The following APBA2 variants were observed in gnomAD, a reference collection of about 807,000 sequenced individuals.
APBA2 encodes the protein amyloid beta precursor protein binding family A member 2.
A neutral mutation model predicts 75.0 loss-of-function variants in APBA2; 30 were observed. The ratio of observed to expected loss-of-function variants is 0.40; its 90% CI spans 0.30 to 0.54. The LOEUF (loss-of-function observed/expected upper bound fraction) is 0.54, where lower values mean the gene tolerates loss of function less well. APBA2 is among the 20% of genes least tolerant of loss of function. The pLI, the probability that APBA2 is intolerant of heterozygous loss-of-function variation, is 0.49. For synonymous variants in APBA2, 444 were observed against 409.6 expected, an observed-to-expected ratio of 1.08 and a Z score of -1.01; for missense variants, 801 against 1,016.1, an observed-to-expected ratio of 0.79 and a Z score of 2.88.
chr15:29,082,331 G>A (rs1344126975), intron 6 of APBA2, among the ~76,000 whole-genome samples: 1 of 152,166 alleles, frequency 6.6e-6, no homozygotes, highest in Non-Finnish European at 1.5e-5. Flanking sequence ...ACAGCCAAGC[G>A]CATTAACATA....
intron 3 of APBA2, among the ~76,000 whole-genome samples, chr15:28,998,706 A>G (rs2038677965): frequency 6.6e-6 from 1 of 152,220 alleles, no homozygotes; most frequent in South Asian, 2.1e-4. Context: ...GCAAGTGCTC[A>G]TATGTATAGG....
At chr15:28,912,085 T>TA (rs1261446136) in intron 1 of APBA2, among the ~76,000 whole-genome samples, 1 of 152,262 alleles carries the variant, frequency 6.6e-6, no homozygotes, top group Non-Finnish European at 1.5e-5. Context: ...CAGTTCCCTC[T>TA]AATAGCATAC....
intron 2 of APBA2, among the ~76,000 whole-genome samples, chr15:28,935,138 C>T (rs2034785412): frequency 6.6e-6 from 1 of 152,198 alleles, no homozygotes; most frequent in South Asian, 2.1e-4. Context: ...ATTTCTCCAA[C>T]ACTAGGTTTC....
chr15:28,924,836 C>T (rs530381976), intron 2 of APBA2, among the ~76,000 whole-genome samples: 1 of 152,246 alleles, frequency 6.6e-6, no homozygotes, highest in East Asian at 1.9e-4. Flanking sequence ...AACTGCCAAA[C>T]TGTTTTCCAC....
At chr15:29,062,481 C>T (rs1238023902) in intron 4 of APBA2, among the ~76,000 whole-genome samples, 1 of 152,116 alleles carries the variant, frequency 6.6e-6, no homozygotes, top group African/African-American at 2.4e-5. Flanking sequence ...TGTTCAGAAG[C>T]TCAGGGCCCA....
chr15:29,023,888 T>A (rs761146872), intron 3 of APBA2, among the ~76,000 whole-genome samples: 1 of 149,978 alleles, frequency 6.7e-6, no homozygotes, highest in Non-Finnish European at 1.5e-5. Context: ...TATTTGCTAC[T>A]TCTTTCCTTT....
In APBA2 at chr15:29,054,315, C is replaced by G; in HGVS notation, c.431C>G (p.Ser144Trp). 1 of 1,613,950 alleles carries G rather than the reference C, an allele frequency of 6.2e-7. No individual in the cohort carries two copies. Among genetic ancestry groups the G allele is most frequent in the Non-Finnish European group, 8.5e-7 (1 of 1,179,976 alleles). The change falls in exon 4 of 15, where the codon TCG (serine) becomes TGG (tryptophan). Residue 144 changes from serine (S) to tryptophan (W), a missense_variant. Ser to Trp is a radical substitution (Grantham distance 177, BLOSUM62 -3). Transcript: ENST00000683413. This position sits in a 1 kb window ranked among gnomAD's most constrained non-coding sequence, Gnocchi z 6.1. Reference protein sequence around the residue: ...CQEAVEEWTDSAGPHPHGHEA... With the variant: ...CQEAVEEWTDWAGPHPHGHEA... ...GAGGCGGTGGAGGAGTGGACGGACT[C>G]GGCGGGCCCGCACCCCCACGGCCAC...
intron 2 of APBA2, among the ~76,000 whole-genome samples, chr15:28,956,540 C>T (rs975303889): frequency 6.6e-6 from 1 of 152,202 alleles, no homozygotes; most frequent in Non-Finnish European, 1.5e-5. Flanking sequence ...AAATTAAATA[C>T]TATTTTATTT....
At chr15:29,049,494 G>A (rs1387246911) in intron 3 of APBA2, among the ~76,000 whole-genome samples, 4 of 152,184 alleles carry the variant, frequency 2.6e-5, no homozygotes, top group Non-Finnish European at 5.9e-5. Flanking sequence ...TTTCAGGGGA[G>A]CACCTTATTC....
At chr15:28,925,944 A>T (rs757090941) in intron 2 of APBA2, among the ~76,000 whole-genome samples, 4 of 152,154 alleles carry the variant, frequency 2.6e-5, no homozygotes, top group Non-Finnish European at 4.4e-5. Flanking sequence ...TTTATCCCTG[A>T]TAATTTTCCT....
intron 2 of APBA2, among the ~76,000 whole-genome samples, chr15:28,952,087 A>G (rs899570514): frequency 2.0e-4 from 31 of 151,524 alleles, no homozygotes; most frequent in Non-Finnish European, 1.5e-4. Context: ...TTTTGAATGC[A>G]CGACCCCATC....
intron 2 of APBA2, among the ~76,000 whole-genome samples, chr15:28,943,413 C>G (rs1386976924): frequency 6.6e-6 from 1 of 152,202 alleles, no homozygotes. Flanking sequence ...ATGCCATCTC[C>G]CATCTGTGCC....
chr15:29,074,958 G>C lies in APBA2; in HGVS notation c.989G>C (p.Arg330Pro), dbSNP rs748159428. Residue 330 changes from arginine to proline, a missense_variant, in exon 5 of 15, where the codon CGC becomes CCC. Transcript: ENST00000683413. Reference sequence around the variant, plus strand: ...CTGGAGCAGCCAAGGAAGCAGCAGCGCTCTGATCTCAATGGACCTGTTGAC... The same window carrying C: ...CTGGAGCAGCCAAGGAAGCAGCAGCCCTCTGATCTCAATGGACCTGTTGAC... Reference protein sequence around the residue: ...NGLEQPRKQQRSDLNGPVDNN... With the variant: ...NGLEQPRKQQPSDLNGPVDNN... 1.2e-6 allele frequency: 2 copies of C among 1,614,122 alleles called. No homozygotes were observed. Among genetic ancestry groups the C allele is most frequent in the Non-Finnish European group, 1.7e-6 (2 of 1,180,012 alleles).
At chr15:28,921,527 T>A (rs890784000) in intron 1 of APBA2, 113 bp from the exon 2 acceptor site, 1 of 152,230 alleles carries the variant, frequency 6.6e-6, no homozygotes, top group African/African-American at 2.4e-5. Flanking sequence ...TAGCCTCCCA[T>A]ATGAGCGTGT....
chr15:28,947,835 T>C (rs1359077207), intron 2 of APBA2, among the ~76,000 whole-genome samples: 2 of 152,198 alleles, frequency 1.3e-5, no homozygotes, highest in African/African-American at 4.8e-5. Flanking sequence ...GTTTTTCCTC[T>C]AAATTGCTAA....
At chr15:28,963,841 C>A (rs1410760425) in intron 2 of APBA2, among the ~76,000 whole-genome samples, 1 of 152,176 alleles carries the variant, frequency 6.6e-6, no homozygotes, top group Non-Finnish European at 1.5e-5. Context: ...AGGAAACTGA[C>A]AGTGATGTAG....
At chr15:29,116,890 G>A (rs1328756298) in intron 14 of APBA2, among the ~76,000 whole-genome samples, 172 bp from the exon 15 acceptor site, 1 of 152,206 alleles carries the variant, frequency 6.6e-6, no homozygotes, top group Non-Finnish European at 1.5e-5. Flanking sequence ...TGCTGCATCT[G>A]GAAGGCATCA....
At chr15:29,052,928 T>C (rs1032942156) in intron 3 of APBA2, among the ~76,000 whole-genome samples, 1 of 152,168 alleles carries the variant, frequency 6.6e-6, no homozygotes, top group Admixed American at 6.5e-5. Flanking sequence ...GATAAAGACA[T>C]TAATCCATTC....
chr15:29,057,736 T>A (rs2041964225), intron 4 of APBA2, among the ~76,000 whole-genome samples: 1 of 152,232 alleles, frequency 6.6e-6, no homozygotes. Flanking sequence ...CTGTACACAC[T>A]CTACCATTGA....
Sources: gnomAD v4.1 joint callset for allele counts (sites outside exome capture counted in the v4.1 genomes callset) on GRCh38, gnomAD v4.1.1 for gene constraint, Gnocchi (gnomAD v3.1) non-coding constraint, MANE v1.5 for transcripts, NCBI Gene and HGNC (gene_info 2026-07-23, HGNC 2026-07-21) for gene names.